SHROOM3: variants seen among roughly 807,000 people sequenced by gnomAD.
SHROOM3 encodes the protein protein Shroom3.
SHROOM3 carries 47 observed loss-of-function variants against 138.6 expected under a neutral mutation model. That is an observed-to-expected ratio of 0.34 (90% CI 0.27 to 0.43). The LOEUF (loss-of-function observed/expected upper bound fraction) is 0.43. SHROOM3 is among the 20% of genes least tolerant of loss of function. SHROOM3 has a pLI of 1.00. For missense variants in SHROOM3, 2,491 were observed against 2,596.5 expected, an observed-to-expected ratio of 0.96 and a Z score of 0.88; for synonymous variants, 1,062 against 1,063.3, an observed-to-expected ratio of 1.00 and a Z score of 0.02.
chr4:76,444,692 C>T (rs572463034), intron 1 of SHROOM3, among the ~76,000 whole-genome samples: 10 of 151,578 alleles, frequency 6.6e-5, no homozygotes, highest in African/African-American at 2.4e-4. Flanking sequence ...GATGGGGTTT[C>T]ACCATATTGG....
rs1560617205 is a variant in SHROOM3, at chr4:76,756,583, C to T, written c.4844C>T (p.Pro1615Leu). 1.9e-6 allele frequency: 3 copies of T among 1,613,618 alleles called. No homozygotes were observed. Among genetic ancestry groups the T allele is most frequent in the East Asian group, 2.2e-5 (1 of 44,816 alleles). ...GGTTCAGAGGCTGAGTCCACACCAC[C>T]CTCCTTCATGAGCGTTCACGCCCAA... ...IKGSEAESTP[P>L]SFMSVHAQLA... is the part of the protein sequence containing the mutation. Residue 1615 changes from proline (P) to leucine (L), a missense_variant, in exon 8 of 11, where the codon CCC (proline) becomes CTC (leucine). Pro to Leu is a moderately conservative substitution (Grantham distance 98). Transcript: ENST00000296043.
chr4:76,554,380 T>C (rs1733433448), intron 1 of SHROOM3, among the ~76,000 whole-genome samples: 1 of 151,900 alleles, frequency 6.6e-6, no homozygotes, highest in African/African-American at 2.4e-5. Context: ...AAAAGTAAGG[T>C]AAGAGGAACA....
chr4:76,661,330 C>A (rs1475638206), intron 2 of SHROOM3, among the ~76,000 whole-genome samples: 1 of 151,700 alleles, frequency 6.6e-6, no homozygotes, highest in African/African-American at 2.4e-5. Context: ...CCTGGGTTCA[C>A]GCCATTCTCC....
At chr4:76,742,370 A>G (rs1190769681) in intron 5 of SHROOM3, among the ~76,000 whole-genome samples, 1 of 151,940 alleles carries the variant, frequency 6.6e-6, no homozygotes, top group Admixed American at 6.5e-5. Flanking sequence ...TGACATTGAT[A>G]GTCATTGGTT....
chr4:76,535,046 G>T (rs926635590), intron 1 of SHROOM3, among the ~76,000 whole-genome samples: 1 of 152,138 alleles, frequency 6.6e-6, no homozygotes, highest in Non-Finnish European at 1.5e-5. Context: ...GGCCTCAGTG[G>T]TTACTCTCTG....
chr4:76,773,687 G>A (rs1722449681), intron 10 of SHROOM3, among the ~76,000 whole-genome samples: 1 of 152,164 alleles, frequency 6.6e-6, no homozygotes, highest in Non-Finnish European at 1.5e-5. Context: ...CTGGCACAGA[G>A]GCAGCCAGGG....
chr4:76,661,262 G>A (rs182930083), intron 2 of SHROOM3, among the ~76,000 whole-genome samples: 5 of 148,092 alleles, frequency 3.4e-5, no homozygotes, highest in African/African-American at 5.1e-5. Context: ...ACGGAGTCTC[G>A]CTCTGTCGCC....
intron 2 of SHROOM3, among the ~76,000 whole-genome samples, chr4:76,671,274 C>A (rs1449119548): frequency 6.6e-6 from 1 of 152,210 alleles, no homozygotes; most frequent in Admixed American, 6.5e-5. Flanking sequence ...TGGCCTTGCC[C>A]CACTCCATCA....
At chr4:76,655,154 A>C (rs181105365) in intron 2 of SHROOM3, among the ~76,000 whole-genome samples, 1 of 152,358 alleles carries the variant, frequency 6.6e-6, no homozygotes, top group Admixed American at 6.5e-5. Context: ...ATTAGAATGC[A>C]TGAGGGGAAA....
chr4:76,655,003 G>A (rs1274657438), intron 2 of SHROOM3, among the ~76,000 whole-genome samples: 1 of 152,154 alleles, frequency 6.6e-6, no homozygotes, highest in Non-Finnish European at 1.5e-5. Context: ...TTAAAGTGGT[G>A]AAAATGAATC....
At chr4:76,441,082 A>ATTTT (rs1354191068) in intron 1 of SHROOM3, among the ~76,000 whole-genome samples, 4 of 55,982 alleles carry the variant, frequency 7.1e-5, no homozygotes, top group African/African-American at 1.5e-4. Flanking sequence ...CCTGAGTTCA[A>ATTTT]TTTGTTTTTT....
At chr4:76,579,688 A>T (rs577188045) in intron 2 of SHROOM3, among the ~76,000 whole-genome samples, 1 of 152,222 alleles carries the variant, frequency 6.6e-6, no homozygotes, top group Admixed American at 6.5e-5. Context: ...GTTTCCTGTG[A>T]TCCTACACCT....
chr4:76,759,510 C>A (rs2110147593), intron 8 of SHROOM3, 35 bp from the exon 9 acceptor site: 2 of 1,613,470 alleles, frequency 1.2e-6, no homozygotes, highest in Non-Finnish European at 1.7e-6. Flanking sequence ...CTGGCGTGAT[C>A]TGTGTGGCTA....
chr4:76,494,754 C>T (rs1051612408), intron 1 of SHROOM3, among the ~76,000 whole-genome samples: 4 of 152,050 alleles, frequency 2.6e-5, no homozygotes, highest in African/African-American at 9.7e-5. Context: ...TTCGTGGTAC[C>T]CTCTGTGTGG....
chr4:76,435,297 C>T lies in SHROOM3; in HGVS notation c.-756C>T, dbSNP rs1299030438. The T allele has an allele frequency of 6.6e-6, 1 of 152,192 alleles. No homozygotes were observed. Among genetic ancestry groups the T allele is most frequent in the South Asian group, 2.1e-4 (1 of 4,834 alleles). The allele number at this position is 152,192 out of a possible 1,614,324, so 9.4% of individuals were successfully genotyped here. A position where few individuals can be genotyped will look rare whatever the true frequency, so the allele number is the denominator to read the frequency against. On this transcript the variant is annotated 5_prime_UTR_variant, in exon 1 of 11. Transcript: ENST00000296043. ...CAGTGGCTGATCATCACTGAAAATA[C>T]CAAAGAAAAGAACTGAGCTGCCTCC...
rs569360746 is a variant in SHROOM3, at chr4:76,646,812, C to T, written c.324-63344C>T. 3.7e-4 allele frequency among the ~76,000 whole-genome samples: 56 copies of T among 152,306 alleles called. 1 individual carries two copies. The South Asian group carries it at 0.011, about 30-fold the overall frequency. The stretch of plus-strand genomic sequence containing the variant: ...GCAGAGAAAAGGCAACTCTTATACA[C>T]TGTTGGTGGGAGCGTAAATTAGTCC... On this transcript the variant is annotated intron_variant, in intron 2 of 10. Transcript: ENST00000296043.
At chr4:76,461,006 A>G (rs764651682) in intron 1 of SHROOM3, among the ~76,000 whole-genome samples, 1 of 149,752 alleles carries the variant, frequency 6.7e-6, no homozygotes, top group Non-Finnish European at 1.5e-5. Context: ...GAAAAAATAC[A>G]AATAAAAAAA....
rs759828734 is a variant in SHROOM3 at position 76,779,048 on chromosome 4, G to A, written c.5862G>A (p.Glu1954=). 1.9e-6 allele frequency: 3 copies of A among 1,614,230 alleles called. No individual in the cohort carries two copies. Among genetic ancestry groups the A allele is most frequent in the Non-Finnish European group, 1.7e-6 (2 of 1,180,048 alleles). ...AGGAGCAGGTCAAGTGTCTGCTGGA[G>A]AGCCTGCCCTCAGATTTCATTCCCA... ...LGQEQVKCLL[E]SLPSDFIPKA... The change falls in exon 11 of 11, where the codon GAG becomes GAA. Residue 1954 remains glutamate, a synonymous_variant. Coordinates refer to ENST00000296043, the MANE Select transcript of SHROOM3 (RefSeq NM_020859.4).
At chr4:76,599,600 G>C (rs928457648) in intron 2 of SHROOM3, among the ~76,000 whole-genome samples, 1 of 152,182 alleles carries the variant, frequency 6.6e-6, no homozygotes, top group African/African-American at 2.4e-5. Flanking sequence ...CTGTCTCCCT[G>C]TGCTCATCAT....
Sources: allele counts gnomAD v4.1 joint callset (sites outside exome capture counted in the v4.1 genomes callset), GRCh38; gene constraint gnomAD v4.1.1; transcripts MANE v1.5; gene names NCBI Gene and HGNC (gene_info 2026-07-23, HGNC 2026-07-21).